DDHD1: variants seen among roughly 807,000 people sequenced by gnomAD.
DDHD1 encodes the protein phospholipase DDHD1.
In DDHD1, 49 loss-of-function variants were observed where a neutral mutation model predicts 96.4. The observed-to-expected ratio is 0.51, with a 90% confidence interval of 0.40 to 0.64. The LOEUF (loss-of-function observed/expected upper bound fraction) is 0.64, where lower values mean the gene tolerates loss of function less well. Ranked by LOEUF, DDHD1 falls within the 30% of genes least tolerant of loss-of-function variation. The probability of loss-of-function intolerance (pLI) is 0.00; values close to 1 mark genes in which losing one functional copy is unlikely to be tolerated. For missense variants in DDHD1, 1,106 were observed against 1,161.2 expected (o/e 0.95, Z 0.69); for synonymous variants, 442 against 446.5 (o/e 0.99, Z 0.13).
chr14:53,095,466 G>A lies in DDHD1; in HGVS notation c.1013-2022C>T, dbSNP rs574148973. The stretch of plus-strand genomic sequence containing the variant: ...AAACCTATTCCCCACTAGGATACAA[G>A]TACATTATGAGGAATTGTACTTCTT... On this transcript the variant is annotated intron_variant, in intron 2 of 12. Transcript: ENST00000673822. Among the ~76,000 whole-genome samples the A allele has an allele frequency of 5.0e-4, 76 of 152,206 alleles. 1 individual carries two copies. In the South Asian group the frequency reaches 8.3e-3, roughly 17 times the overall value.
intron 10 of DDHD1, 150 bp downstream of exon 10, chr14:53,055,510 C>A (rs1882966581): frequency 1.3e-6 from 1 of 759,324 alleles, no homozygotes; most frequent in Admixed American, 2.7e-5. Context: ...CTTTTTGGGC[C>A]TCAAATATGA....
chr14:53,152,932 AG>A lies in DDHD1; in HGVS notation c.166del (p.Leu56TrpfsTer104). 6.2e-7 allele frequency: 1 copy of A among 1,603,260 alleles called. No individual in the cohort carries two copies. Among genetic ancestry groups the A allele is most frequent in the Non-Finnish European group, 8.5e-7 (1 of 1,176,602 alleles). On this transcript the variant is annotated frameshift_variant, in exon 1 of 13. Transcript: ENST00000673822. LOFTEE classifies it high-confidence loss of function. ...GGDPDDGDVP[L>X]ALLRGEPGLH... The stretch of plus-strand genomic sequence containing the variant: ...CCCGGGTTCCCCGCGCAGCAGGGCC[AG>A]GGGCACGTCGCCGTCGTCCGGGTCC...
chr14:53,077,884 T>C (rs764852761), intron 4 of DDHD1, among the ~76,000 whole-genome samples: 2 of 152,230 alleles, frequency 1.3e-5, no homozygotes, highest in Admixed American at 1.3e-4. Context: ...TCATACAATA[T>C]GGGGCCTTTT....
chr14:53,096,326 A>G (rs1161279857), intron 2 of DDHD1: 2 of 238,522 alleles, frequency 8.4e-6, no homozygotes, highest in African/African-American at 4.7e-5. Flanking sequence ...TTTGAAAAAC[A>G]TTATTCTAAA....
At chr14:53,132,819 C>T (rs1380328726) in intron 1 of DDHD1, among the ~76,000 whole-genome samples, 2 of 152,162 alleles carry the variant, frequency 1.3e-5, no homozygotes, top group African/African-American at 4.8e-5. Context: ...TCCCAGTGCT[C>T]AGGGCAACGC....
intron 2 of DDHD1, among the ~76,000 whole-genome samples, chr14:53,102,190 G>A (rs1021673501): frequency 6.6e-6 from 1 of 152,010 alleles, no homozygotes; most frequent in Non-Finnish European, 1.5e-5. Flanking sequence ...CAAATACTAT[G>A]AAGTAGACTT....
At chr14:53,138,779 C>G (rs1890424512) in intron 1 of DDHD1, among the ~76,000 whole-genome samples, 1 of 152,162 alleles carries the variant, frequency 6.6e-6, no homozygotes, top group Admixed American at 6.5e-5. Flanking sequence ...TATAAAACTG[C>G]TGGGGCTTCA....
intron 4 of DDHD1, among the ~76,000 whole-genome samples, chr14:53,089,102 T>C (rs915829014): frequency 7.9e-5 from 12 of 152,170 alleles, no homozygotes; most frequent in Admixed American, 4.6e-4. Flanking sequence ...GGAATCCAAC[T>C]TACAAGGGAT....
intron 12 of DDHD1, among the ~76,000 whole-genome samples, chr14:53,048,114 G>A (rs1032385057): frequency 4.6e-5 from 7 of 152,076 alleles, no homozygotes; most frequent in African/African-American, 1.7e-4. Context: ...CTTAGTTAAT[G>A]CTTATTTTAA....
At chr14:53,063,478 T>C (rs1057427582) in intron 6 of DDHD1, among the ~76,000 whole-genome samples, 6 of 149,644 alleles carry the variant, frequency 4.0e-5, no homozygotes, top group South Asian at 2.1e-4. Flanking sequence ...AGCAGTTCCA[T>C]AGATTAAAAA....
rs192277473 is a variant in DDHD1 at position 53,095,952 on chromosome 14, T to C, written c.1013-2508A>G. Among the ~76,000 whole-genome samples, 246 of 152,224 alleles carry C rather than the reference T, an allele frequency of 1.6e-3. 1 individual carries two copies. Among genetic ancestry groups the C allele is most frequent in the African/African-American group, 5.6e-3 (233 of 41,566 alleles). ...ATCTGAATATCCTGTTACTGGACTA[T>C]ACACACTGTTTACCAATATTTATAC... On this transcript the variant is annotated intron_variant, in intron 2 of 12. Transcript: ENST00000673822.
chr14:53,120,248 T>G (rs1419551420), intron 1 of DDHD1, among the ~76,000 whole-genome samples: 2 of 152,178 alleles, frequency 1.3e-5, no homozygotes, highest in Non-Finnish European at 2.9e-5. Flanking sequence ...ACAAGGGACG[T>G]GAAGGACGTC....
At chr14:53,057,870 G>A (rs1431519480) in intron 9 of DDHD1, among the ~76,000 whole-genome samples, 2 of 152,194 alleles carry the variant, frequency 1.3e-5, no homozygotes, top group Non-Finnish European at 2.9e-5. Flanking sequence ...ACTTTTTGGA[G>A]ACAGAGTCTC....
chr14:53,058,719 A>T (rs1883282640), intron 8 of DDHD1, 93 bp from the exon 9 acceptor site: 1 of 1,086,866 alleles, frequency 9.2e-7, no homozygotes, highest in Admixed American at 2.9e-5. Context: ...CAAAATACAA[A>T]TAATAAAATA....
chr14:53,036,983 T>A lies in DDHD1; in HGVS notation c.*9785A>T, dbSNP rs909027998. On this transcript the variant is annotated 3_prime_UTR_variant, in exon 13 of 13. Coordinates refer to ENST00000673822, the MANE Select transcript of DDHD1 (RefSeq NM_001160148.2). Reference sequence around the variant, plus strand: ...AGTGTCTGTTGTTCCCACCTTTGCATCCTGAGGTACTCAATATTTAGCTCC... The same window carrying A: ...AGTGTCTGTTGTTCCCACCTTTGCAACCTGAGGTACTCAATATTTAGCTCC... 2.6e-5 allele frequency: 4 copies of A among 152,114 alleles called. No individual in the cohort carries two copies. The highest frequency in any genetic ancestry group is 9.7e-5 in the African/African-American group (4 of 41,428). 9.4% of individuals were successfully genotyped at this position (152,114 alleles called of 1,614,324 possible).
chr14:53,071,350 T>C (rs1028153223), intron 6 of DDHD1, among the ~76,000 whole-genome samples: 5 of 152,070 alleles, frequency 3.3e-5, no homozygotes, highest in African/African-American at 1.2e-4. Context: ...GTGTAAATGC[T>C]TTTTTCAGAG....
chr14:53,117,503 G>A (rs1010947442), intron 1 of DDHD1, among the ~76,000 whole-genome samples: 1 of 152,190 alleles, frequency 6.6e-6, no homozygotes, highest in African/African-American at 2.4e-5. Context: ...TCCTGTCACT[G>A]GTTTGGCAGG....
At chr14:53,104,002 T>C in intron 1 of DDHD1, 146 bp from the exon 2 acceptor site, 1 of 686,528 alleles carries the variant, frequency 1.5e-6, no homozygotes, top group Non-Finnish European at 2.3e-6. Flanking sequence ...CTTTTATTTA[T>C]GTTTATTTAT....
At chr14:53,112,805 T>C (rs1888208033) in intron 1 of DDHD1, among the ~76,000 whole-genome samples, 1 of 152,174 alleles carries the variant, frequency 6.6e-6, no homozygotes, top group Admixed American at 6.5e-5. Context: ...ATGGTAGACG[T>C]TCTTCACACC....
Sources: gnomAD v4.1 joint callset for allele counts (sites outside exome capture counted in the v4.1 genomes callset) on GRCh38, gnomAD v4.1.1 for gene constraint, MANE v1.5 for transcripts, NCBI Gene and HGNC (gene_info 2026-07-23, HGNC 2026-07-21) for gene names.